Variants in ZNF823 observed in about 807,000 individuals in gnomAD.
The protein encoded by ZNF823 is ZFP 36 for a zinc finger protein.
ZNF823 carries 5 observed loss-of-function variants against 11.4 expected under a neutral mutation model. The observed-to-expected ratio is 0.44, with a 90% CI of 0.23 to 0.92. The LOEUF (loss-of-function observed/expected upper bound fraction) is 0.92. Ranked by LOEUF, ZNF823 falls within the 40% of genes least tolerant of loss-of-function variation. ZNF823 has a pLI of 0.24. For missense variants in ZNF823, 582 were observed against 738.5 expected (o/e 0.79, Z 2.46); for synonymous variants, 234 against 250.5 (o/e 0.93, Z 0.62).
rs1555767522 is a variant in ZNF823, at chr19:11,733,377, A to AAG, written c.3+5439_3+5440insCT. 2.2e-3 allele frequency among the ~76,000 whole-genome samples: 335 copies of AAG among 151,190 alleles called. 2 individuals are homozygous for AAG. Among genetic ancestry groups the AAG allele is most frequent in the African/African-American group, 7.7e-3 (317 of 41,138 alleles). ...TGAGACTCCATCTCAAAAAAAAAAA[A>AAG]AAAAAGAAAAAGAAAAAGAAACAAT... On this transcript the variant is annotated intron_variant, in intron 1 of 3. Coordinates refer to ENST00000341191, the MANE Select transcript of ZNF823 (RefSeq NM_001080493.4).
At chr19:11,738,761 G>A (rs901714225) in intron 1 of ZNF823, 56 bp downstream of exon 1, 1 of 1,577,866 alleles carries the variant, frequency 6.3e-7, no homozygotes. Context: ...GGTCGGTTCC[G>A]GCCGGTTCCA....
At chr19:11,732,463 C>T (rs966837286) in intron 1 of ZNF823, among the ~76,000 whole-genome samples, 2 of 141,876 alleles carry the variant, frequency 1.4e-5, no homozygotes, top group Admixed American at 7.1e-5. Context: ...CCGCGCCCGG[C>T]CATTTTTTTG....
At chr19:11,734,045 GGCAACA>G (rs1298893473) in intron 1 of ZNF823, among the ~76,000 whole-genome samples, 59 of 152,094 alleles carry the variant, frequency 3.9e-4, no homozygotes, top group African/African-American at 1.3e-3. Flanking sequence ...GACCAGCCTG[GGCAACA>G]TGGTGAAACC....
chr19:11,732,009 C>CAA (rs34026773), intron 1 of ZNF823, among the ~76,000 whole-genome samples: 323 of 96,898 alleles, frequency 3.3e-3, no homozygotes, highest in Middle Eastern at 5.1e-3. Flanking sequence ...AACTCCGTCT[C>CAA]AAAAAAAAAA....
At position 11,722,063 on chromosome 19, in the gene ZNF823, T is replaced by G. The variant is rs370114906; in HGVS notation, c.1471A>C (p.Arg491=). Residue 491 remains arginine (R), a synonymous_variant, in exon 4 of 4, where the codon AGG becomes CGG. Transcript: ENST00000341191. This position sits in a 1 kb window ranked among gnomAD's most constrained non-coding sequence, Gnocchi z 5.2. ...TAAGGTTTTTCTACTGTGTGGGTCCTTTTATGTTGAGAAAGGTATTTGAAA... is the reference window on the plus strand; with the variant it reads ...TAAGGTTTTTCTACTGTGTGGGTCCGTTTATGTTGAGAAAGGTATTTGAAA... ...SCFKYLSQHK[R]THTVEKPYEC... The G allele has an allele frequency of 6.2e-7, 1 of 1,612,314 alleles. No homozygotes were observed. The highest frequency in any genetic ancestry group is 1.3e-5 in the African/African-American group (1 of 74,700).
At chr19:11,723,512 A>G (rs1974734124) in intron 3 of ZNF823, among the ~76,000 whole-genome samples, 170 bp from the exon 4 acceptor site, 1 of 152,244 alleles carries the variant, frequency 6.6e-6, no homozygotes, top group Non-Finnish European at 1.5e-5. Flanking sequence ...AGCTATTAGC[A>G]AAACAGTGAT....
rs1170787951 is a variant in ZNF823, at chr19:11,732,169, C to CTTTTTTTTTT, written c.3+6638_3+6647dup. ...AGGGCAGGGATGGTTAAAGGTTTCC[C>CTTTTTTTTTT]TTTTTTTTTTTTTGAGATGGAGTCT... On this transcript the variant is annotated intron_variant, in intron 1 of 3. Coordinates refer to ENST00000341191, the MANE Select transcript of ZNF823 (RefSeq NM_001080493.4). 6.8e-4 allele frequency among the ~76,000 whole-genome samples: 92 copies of CTTTTTTTTTT among 135,576 alleles called. 7 individuals carry two copies. Among genetic ancestry groups the CTTTTTTTTTT allele is most frequent in the African/African-American group, 1.5e-3 (55 of 37,214 alleles). 88.9% of individuals were successfully genotyped at this position (135,576 alleles called of 152,430 possible).
intron 1 of ZNF823, among the ~76,000 whole-genome samples, chr19:11,732,066 A>G (rs1239869499): frequency 2.0e-5 from 3 of 151,874 alleles, no homozygotes; most frequent in African/African-American, 7.3e-5. Context: ...GCAAAACACT[A>G]GTAACTTAAG....
At chr19:11,727,678 C>G (rs1232250786) in intron 1 of ZNF823, among the ~76,000 whole-genome samples, 1 of 152,018 alleles carries the variant, frequency 6.6e-6, no homozygotes, top group Non-Finnish European at 1.5e-5. Context: ...AAAAGGAAAG[C>G]AAAAAATGGT....
rs761740170 is a variant in ZNF823 at position 11,722,702 on chromosome 19, A to C, written c.832T>G (p.Cys278Gly). The C allele has an allele frequency of 3.1e-6, 5 of 1,614,154 alleles. No homozygotes were observed. The highest frequency in any genetic ancestry group is 3.4e-6 in the Non-Finnish European group (4 of 1,180,030). ...RTHTGEKPYKCTQCGKAFSCY... is the reference protein window; with the variant it reads ...RTHTGEKPYKGTQCGKAFSCY... ...CTGAAGGCTTTCCCACATTGTGTAC[A>C]TTTATAGGGTTTCTCTCCGGTGTGA... is the stretch of plus-strand genomic sequence containing the variant. The change falls in exon 4 of 4, where the codon TGT becomes GGT. Residue 278 changes from cysteine to glycine, a missense_variant. Cys to Gly is a radical substitution (Grantham distance 159). Around this residue, in one of 3 missense-constraint regions of ZNF823, gnomAD observed 429 missense variants for 553.7 expected, o/e 0.77. Transcript: ENST00000341191. The surrounding 1 kb of genome is among the most constrained non-coding windows in gnomAD (Gnocchi z 5.2).
At chr19:11,733,518 T>C (rs1261864489) in intron 1 of ZNF823, among the ~76,000 whole-genome samples, 1 of 151,558 alleles carries the variant, frequency 6.6e-6, no homozygotes, top group Admixed American at 6.6e-5. Flanking sequence ...CTGGGCAACA[T>C]GGCGAAACTG....
At chr19:11,735,090 C>A (rs1411959184) in intron 1 of ZNF823, among the ~76,000 whole-genome samples, 1 of 151,788 alleles carries the variant, frequency 6.6e-6, no homozygotes, top group Admixed American at 6.6e-5. Context: ...GCCTGGCCAA[C>A]ATGGTGAAAC....
At chr19:11,726,836 A>G (rs997894685) in intron 1 of ZNF823, among the ~76,000 whole-genome samples, 2 of 152,216 alleles carry the variant, frequency 1.3e-5, no homozygotes, top group Non-Finnish European at 1.5e-5. Context: ...CTGGATCACT[A>G]CTGACGGACC....
In ZNF823 at chr19:11,722,935, G is replaced by C. The variant is rs1974718898; in HGVS notation, c.599C>G (p.Ala200Gly). 5 of 1,614,118 alleles carry C rather than the reference G, an allele frequency of 3.1e-6. No individual in the cohort carries two copies. Among genetic ancestry groups the C allele is most frequent in the Non-Finnish European group, 4.2e-6 (5 of 1,180,020 alleles). The change falls in exon 4 of 4, where the codon GCC becomes GGC. Residue 200 changes from alanine to glycine, a missense_variant. Around this residue, in one of 3 missense-constraint regions of ZNF823, gnomAD observed 429 missense variants for 553.7 expected, o/e 0.77. Coordinates refer to ENST00000341191, the MANE Select transcript of ZNF823 (RefSeq NM_001080493.4). The surrounding 1 kb of genome is among the most constrained non-coding windows in gnomAD (Gnocchi z 5.2). ...GPYKCKLCGK[A>G]FVWPSLFHLH... ...ATGAAATAAACTGGGCCAAACAAAG[G>C]CTTTCCCACACAACTTACATTTATA...
chr19:11,727,948 C>CGCGA (rs1974822901), intron 1 of ZNF823, among the ~76,000 whole-genome samples: 3 of 26,260 alleles, frequency 1.1e-4, no homozygotes, highest in African/African-American at 3.5e-4. Flanking sequence ...AGTTCAGTGT[C>CGCGA]TCGCTGCAAG....
intron 1 of ZNF823, among the ~76,000 whole-genome samples, chr19:11,732,755 C>T (rs1974925782): frequency 6.6e-6 from 1 of 152,236 alleles, no homozygotes; most frequent in Admixed American, 6.5e-5. Flanking sequence ...TTGACACCAC[C>T]TTCCTAGCGC....
At chr19:11,724,612 G>A (rs1340805660) in intron 2 of ZNF823, among the ~76,000 whole-genome samples, 1 of 145,516 alleles carries the variant, frequency 6.9e-6, no homozygotes, top group Non-Finnish European at 1.5e-5. Flanking sequence ...AGGCTGGAGT[G>A]CAGTGGCGCG....
chr19:11,730,815 T>C (rs1974878994), intron 1 of ZNF823: 1 of 152,016 alleles, frequency 6.6e-6, no homozygotes, highest in Non-Finnish European at 1.5e-5. Flanking sequence ...ACCCAGCACA[T>C]TTCCCCCTAT....
chr19:11,722,417 A>C lies in ZNF823; in HGVS notation c.1117T>G (p.Ser373Ala). 1 of 1,612,906 alleles carries C rather than the reference A, an allele frequency of 6.2e-7. No homozygotes were observed. Among genetic ancestry groups the C allele is most frequent in the Non-Finnish European group, 8.5e-7 (1 of 1,179,726 alleles). Reference sequence around the variant, plus strand: ...GTTATCATGTGACTTCGAAAGCTCGAGCTATGAGATAACACTTTCCCACAC... The same window carrying C: ...GTTATCATGTGACTTCGAAAGCTCGCGCTATGAGATAACACTTTCCCACAC... ...KQCGKVLSHS[S>A]SFRSHMITHT... The change falls in exon 4 of 4, where the codon TCG becomes GCG. Residue 373 changes from serine (S) to alanine (A), a missense_variant. Ser to Ala is a moderately conservative substitution (Grantham distance 99). This residue lies in a region of ZNF823 where 429 missense variants were observed against 553.7 expected (regional missense o/e 0.77). Coordinates refer to ENST00000341191, the MANE Select transcript of ZNF823 (RefSeq NM_001080493.4). The surrounding 1 kb of genome is among the most constrained non-coding windows in gnomAD (Gnocchi z 5.2).
Sources: gnomAD v4.1 joint callset for allele counts (sites outside exome capture counted in the v4.1 genomes callset) on GRCh38, gnomAD v4.1.1 for gene constraint, gnomAD v4.1.1 regional missense constraint, Gnocchi (gnomAD v3.1) non-coding constraint, MANE v1.5 for transcripts, NCBI Gene and HGNC (gene_info 2026-07-23, HGNC 2026-07-21) for gene names.